CFH: variants seen among roughly 807,000 people sequenced by gnomAD.
CFH encodes the protein complement factor H.
A neutral mutation model predicts 147.3 loss-of-function variants in CFH; 53 were observed. The observed-to-expected ratio is 0.36, with a 90% CI of 0.29 to 0.45. The LOEUF (loss-of-function observed/expected upper bound fraction) is 0.45. CFH is among the 20% of genes least tolerant of loss of function. CFH has a pLI of 1.00. For missense variants in CFH, 1,380 were observed against 1,498.0 expected (o/e 0.92, Z 1.30); for synonymous variants, 536 against 489.4 (o/e 1.10, Z -1.26).
chr1:196,744,485 T>A (rs183034872), intron 20 of CFH, among the ~76,000 whole-genome samples: 13 of 152,270 alleles, frequency 8.5e-5, no homozygotes, highest in Non-Finnish European at 1.9e-4. Context: ...TATCTCTTTG[T>A]ATAGCTTTTC....
intron 2 of CFH, chr1:196,673,431 G>T: frequency 2.3e-6 from 1 of 437,966 alleles, no homozygotes; most frequent in East Asian, 5.0e-5. Flanking sequence ...CTGCCTCCCT[G>T]GTTCAAGCAA....
At chr1:196,658,584 T>G (rs905370215) in intron 1 of CFH, among the ~76,000 whole-genome samples, 1 of 151,744 alleles carries the variant, frequency 6.6e-6, no homozygotes, top group African/African-American at 2.4e-5. Flanking sequence ...GCTATTTTTT[T>G]GTATTTGTAG....
chr1:196,701,830 G>C (rs993430620), intron 9 of CFH, among the ~76,000 whole-genome samples: 2 of 151,968 alleles, frequency 1.3e-5, no homozygotes, highest in Non-Finnish European at 2.9e-5. Flanking sequence ...AAATTGAAAG[G>C]CCTTTGTCTA....
At chr1:196,664,437 T>A (rs1667010089) in intron 1 of CFH, among the ~76,000 whole-genome samples, 1 of 152,198 alleles carries the variant, frequency 6.6e-6, no homozygotes, top group Non-Finnish European at 1.5e-5. Context: ...CTCAAATTTT[T>A]TGTGAAATAG....
chr1:196,745,083 G>T (rs1420511546), intron 20 of CFH, among the ~76,000 whole-genome samples: 1 of 152,136 alleles, frequency 6.6e-6, no homozygotes, highest in Non-Finnish European at 1.5e-5. Context: ...TTTTTGTCTA[G>T]TTGCTTTCAA....
intron 6 of CFH, among the ~76,000 whole-genome samples, chr1:196,681,376 T>C (rs1194183222): frequency 6.6e-6 from 1 of 151,634 alleles, no homozygotes; most frequent in Non-Finnish European, 1.5e-5. Context: ...AACTCTTCCT[T>C]AGCACATATT....
At chr1:196,710,322 C>T (rs1668696929) in intron 9 of CFH, among the ~76,000 whole-genome samples, 4 of 152,094 alleles carry the variant, frequency 2.6e-5, no homozygotes, top group African/African-American at 7.2e-5. Context: ...ACCCTACTGT[C>T]TCAGCGTATT....
At chr1:196,742,371 G>A (rs187263890) in intron 19 of CFH, among the ~76,000 whole-genome samples, 30 of 152,142 alleles carry the variant, frequency 2.0e-4, no homozygotes, top group Admixed American at 9.2e-4. Flanking sequence ...GTGAGATTCC[G>A]TCTCAAAAAA....
intron 9 of CFH, among the ~76,000 whole-genome samples, chr1:196,691,334 A>G (rs10801556): frequency 0.64 from 97,847 of 151,882 alleles, 31,957 homozygotes; most frequent in East Asian, 0.94. Context: ...GGGTATTCTG[A>G]GATCTTGTGC....
intron 15 of CFH, among the ~76,000 whole-genome samples, chr1:196,728,811 T>C (rs941562457): frequency 3.3e-5 from 5 of 151,856 alleles, no homozygotes; most frequent in African/African-American, 9.7e-5. Context: ...GTGCTTCTCA[T>C]TCCTTTTCTT....
intron 11 of CFH, among the ~76,000 whole-genome samples, chr1:196,720,399 A>T (rs1047718061): frequency 4.0e-5 from 6 of 151,862 alleles, no homozygotes; most frequent in African/African-American, 1.4e-4. Context: ...TGAACATTGC[A>T]CCCATTAGGT....
intron 3 of CFH, among the ~76,000 whole-genome samples, chr1:196,675,050 T>A (rs1397856855): frequency 6.6e-6 from 1 of 152,174 alleles, no homozygotes; most frequent in African/African-American, 2.4e-5. Context: ...CATAACCAAA[T>A]AGGTTATAAT....
intron 9 of CFH, among the ~76,000 whole-genome samples, chr1:196,703,447 C>T (rs1412170591): frequency 6.6e-6 from 1 of 152,132 alleles, no homozygotes; most frequent in Non-Finnish European, 1.5e-5. Context: ...AATGGTAGCA[C>T]CCAGGGGCTT....
intron 9 of CFH, among the ~76,000 whole-genome samples, chr1:196,697,353 ACAGACACTT>A (rs1668308567): frequency 6.6e-6 from 1 of 152,236 alleles, no homozygotes; most frequent in Non-Finnish European, 1.5e-5. Flanking sequence ...AAGGATATGA[ACAGACACTT>A]CTCAAAAGAA....
rs537832768 is a variant in CFH, at chr1:196,721,847, A to C, written c.1697-3274A>C. 4.0e-5 allele frequency among the ~76,000 whole-genome samples: 6 copies of C among 148,994 alleles called. No individual in the cohort carries two copies. The South Asian group carries it at 1.3e-3, about 32-fold the overall frequency. On this transcript the variant is annotated intron_variant, in intron 11 of 21. Coordinates refer to ENST00000367429, the MANE Select transcript of CFH (RefSeq NM_000186.4). ...TCTTGTTGATTTGAAATCTTTTTTTATATATAAATATAACTATACCAAATG... is the reference window on the plus strand; with the variant it reads ...TCTTGTTGATTTGAAATCTTTTTTTCTATATAAATATAACTATACCAAATG...
intron 9 of CFH, among the ~76,000 whole-genome samples, chr1:196,700,326 C>T (rs1202401115): frequency 6.6e-6 from 1 of 152,138 alleles, no homozygotes; most frequent in Admixed American, 6.6e-5. Flanking sequence ...TGTTGCTGCA[C>T]AGCAGGCATA....
intron 1 of CFH, among the ~76,000 whole-genome samples, chr1:196,672,446 C>T (rs1005548972): frequency 2.0e-5 from 3 of 152,086 alleles, no homozygotes; most frequent in Non-Finnish European, 4.4e-5. Flanking sequence ...ATTTGGAGTG[C>T]CTGTATAATT....
intron 12 of CFH, 56 bp downstream of exon 12, chr1:196,725,353 T>A: frequency 6.4e-7 from 1 of 1,554,964 alleles, no homozygotes; most frequent in South Asian, 1.1e-5. Context: ...AATACCAACT[T>A]TTTTCTTATT....
chr1:196,654,766 T>C (rs1249408824), intron 1 of CFH, among the ~76,000 whole-genome samples: 4 of 152,118 alleles, frequency 2.6e-5, no homozygotes, highest in Middle Eastern at 3.2e-3. Flanking sequence ...AGATTTAGAG[T>C]GCAGAAACGT....
Sources: allele counts gnomAD v4.1 joint callset (sites outside exome capture counted in the v4.1 genomes callset), GRCh38; gene constraint gnomAD v4.1.1; transcripts MANE v1.5; gene names NCBI Gene and HGNC (gene_info 2026-07-23, HGNC 2026-07-21).